The following GNL3L variants were observed in gnomAD, a reference collection of about 807,000 sequenced individuals.
GNL3L encodes G protein nucleolar 3 like.
A neutral mutation model predicts 42.9 loss-of-function variants in GNL3L; 4 were observed. The observed-to-expected ratio is 0.09, with a 90% CI of 0.05 to 0.21. GNL3L has a LOEUF of 0.21. GNL3L is among the 10% of genes least tolerant of loss of function. The pLI, the probability that GNL3L is intolerant of heterozygous loss-of-function variation, is 1.00. For synonymous variants in GNL3L, 159 were observed against 176.3 expected (o/e 0.90, Z 0.78); for missense variants, 412 against 481.7 (o/e 0.86, Z 1.36).
intron 16 of GNL3L, among the ~76,000 whole-genome samples, chrX:54,578,605 C>T (rs1020644149): frequency 2.7e-5 from 3 of 112,017 alleles, no homozygotes; most frequent in Non-Finnish European, 3.8e-5. Flanking sequence ...TAGCATAATG[C>T]GTTTGAGATT....
chrX:54,566,811 T>C lies in GNL3L; in HGVS notation c.*6209T>C, dbSNP rs1376227974. ...CTTATTTTGAGACAGGATCTCACTG[T>C]CACCCAGGCTGGGGTGCAGTGGTGT... On this transcript the variant is annotated 3_prime_UTR_variant, in exon 16 of 16. Transcript: ENST00000360845. 8.9e-6 allele frequency among the ~76,000 whole-genome samples: 1 copy of C among 112,003 alleles called. No homozygotes were observed. The highest frequency in any genetic ancestry group is 1.9e-5 in the Non-Finnish European group (1 of 53,200).
At chrX:54,553,459 G>A (rs900605596) in intron 13 of GNL3L, among the ~76,000 whole-genome samples, 2 of 112,391 alleles carry the variant, frequency 1.8e-5, no homozygotes, top group African/African-American at 6.5e-5. Context: ...TGTTACACAC[G>A]AGGTTAAGAG....
chrX:54,627,732 A>C, the GNL3L span, among the ~76,000 whole-genome samples: 1 of 111,677 alleles, frequency 9.0e-6, no homozygotes, highest in Admixed American at 9.5e-5. Context: ...AAGATATTTA[A>C]AAACTTTTCT....
chrX:54,591,111 G>A (rs1427137562), intron 16 of GNL3L, among the ~76,000 whole-genome samples: 3 of 111,315 alleles, frequency 2.7e-5, no homozygotes, highest in South Asian at 3.7e-4. Flanking sequence ...AATTACAGGC[G>A]TGAGCCACCG....
At chrX:54,630,449 GTGTC>G in the GNL3L span, among the ~76,000 whole-genome samples, 1 of 109,921 alleles carries the variant, frequency 9.1e-6, no homozygotes, top group Non-Finnish European at 1.9e-5. Context: ...TTGATAGGTT[GTGTC>G]ACTATTATTG....
chrX:54,632,006 C>T, the GNL3L span, among the ~76,000 whole-genome samples: 1 of 111,966 alleles, frequency 8.9e-6, no homozygotes, highest in African/African-American at 3.2e-5. Flanking sequence ...CTGAAAAAGA[C>T]GTTAGCTTTC....
intron 8 of GNL3L, among the ~76,000 whole-genome samples, chrX:54,546,268 T>C (rs1924771645): frequency 8.9e-6 from 1 of 112,593 alleles, no homozygotes; most frequent in South Asian, 3.6e-4. Context: ...TAGTTTTTTT[T>C]TTCTCTTGGA....
chrX:54,640,234 G>T, the GNL3L span, among the ~76,000 whole-genome samples: 4 of 111,735 alleles, frequency 3.6e-5, no homozygotes, highest in African/African-American at 1.3e-4. Flanking sequence ...TAAGGCGGTT[G>T]ATTGACGGAA....
At chrX:54,607,016 CTTTCTTTCTTTCTT>C (rs1569542579) in intron 16 of GNL3L, among the ~76,000 whole-genome samples, 6 of 54,565 alleles carry the variant, frequency 1.1e-4, no homozygotes, top group African/African-American at 5.6e-4. Context: ...TTCTTTCTTT[CTTTCTTTCTTTCTT>C]TCTTTCTTTC....
chrX:54,581,564 T>C (rs1925716160), intron 16 of GNL3L, among the ~76,000 whole-genome samples: 1 of 112,379 alleles, frequency 8.9e-6, no homozygotes, highest in African/African-American at 3.2e-5. Context: ...CACCCACTTC[T>C]TTGCTGTCAT....
rs1291890082 is a variant in GNL3L at position 54,588,174 on chromosome X, C to A, written c.*45+27527C>A. Among the ~76,000 whole-genome samples the A allele has an allele frequency of 5.4e-5, 6 of 111,965 alleles. No individual in the cohort carries two copies. In the East Asian group the frequency reaches 1.7e-3, roughly 31 times the overall value. On this transcript the variant is annotated intron_variant, in intron 16 of 16. Coordinates refer to the GNL3L transcript ENST00000674498. ...TCTGCAAATTTGGACAGCTTTATGT[C>A]TTCCTTTTCAATCTGTATGTCTCTT...
intron 16 of GNL3L, among the ~76,000 whole-genome samples, chrX:54,590,965 G>C (rs776642393): frequency 4.6e-4 from 50 of 109,870 alleles, no homozygotes; most frequent in African/African-American, 1.6e-3. Context: ...TGAGTAACTG[G>C]GACTACAGAT....
chrX:54,600,762 C>T (rs139626151), intron 16 of GNL3L, among the ~76,000 whole-genome samples: 25 of 111,151 alleles, frequency 2.2e-4, no homozygotes, highest in East Asian at 8.5e-4. Context: ...TATTGCTACT[C>T]ACATGTAAAA....
intron 16 of GNL3L, among the ~76,000 whole-genome samples, chrX:54,584,647 G>A (rs1925759801): frequency 1.8e-5 from 2 of 112,551 alleles, no homozygotes; most frequent in South Asian, 7.3e-4. Flanking sequence ...CAATGAACAT[G>A]GTAGTACAGA....
chrX:54,633,900 T>C, the GNL3L span, among the ~76,000 whole-genome samples: 1 of 113,064 alleles, frequency 8.8e-6, no homozygotes, highest in African/African-American at 3.2e-5. Context: ...TGCAGCTGGA[T>C]AGATAATTCT....
At chrX:54,554,485 T>C in intron 13 of GNL3L, 80 bp from the exon 14 acceptor site, 1 of 1,027,095 alleles carries the variant, frequency 9.7e-7, no homozygotes, top group South Asian at 2.1e-5. Flanking sequence ...CATCCATGTA[T>C]CCTTTTCACT....
Position 54,554,477 on chromosome X carries a change from TC to T in GNL3L, c.1319-86del, listed in dbSNP as rs1431142489. ...CTGCACCTGACTCCCCTGGGAAGCA[TC>T]CATGTATCCTTTTCACTGAGGCCTG... On this transcript the variant is annotated intron_variant, in intron 13 of 15. Transcript: ENST00000360845. 14 of 945,445 alleles carry T rather than the reference TC, an allele frequency of 1.5e-5. No homozygotes were observed. The African/African-American group carries it at 1.5e-4, about 10-fold the overall frequency. The allele number at this position is 945,445 out of a possible 1,213,427, so 77.9% of individuals were successfully genotyped here. A position where few individuals can be genotyped will look rare whatever the true frequency, so the allele number is the denominator to read the frequency against.
At chrX:54,603,548 C>T (rs1926026262) in intron 16 of GNL3L, among the ~76,000 whole-genome samples, 2 of 111,362 alleles carry the variant, frequency 1.8e-5, no homozygotes, top group Admixed American at 1.9e-4. Context: ...ACCAAGAAAT[C>T]AAACTTAACG....
intron 16 of GNL3L, among the ~76,000 whole-genome samples, chrX:54,605,984 G>A (rs1156529314): frequency 9.0e-6 from 1 of 111,240 alleles, no homozygotes; most frequent in East Asian, 2.8e-4. Context: ...TGGCATTCTG[G>A]GTGAATTGGT....
Sources: allele counts gnomAD v4.1 joint callset (sites outside exome capture counted in the v4.1 genomes callset), GRCh38; gene constraint gnomAD v4.1.1; transcripts MANE v1.5; gene names NCBI Gene and HGNC (gene_info 2026-07-23, HGNC 2026-07-21).